The following NRIP1 variants were observed in gnomAD, a reference collection of about 807,000 sequenced individuals.
The protein encoded by NRIP1 is nuclear receptor interacting protein 1.
Under a neutral mutation model 75.0 loss-of-function variants are expected in NRIP1, and 28 were observed. That is an observed-to-expected ratio of 0.37 (90% CI 0.28 to 0.51). NRIP1 has a LOEUF of 0.51. Among genes scored for constraint, NRIP1 ranks in the 20% least tolerant of loss-of-function variants. NRIP1 has a pLI of 0.92. For missense variants in NRIP1, 1,435 were observed against 1,343.7 expected (o/e 1.07, Z -1.06); for synonymous variants, 526 against 487.6 (o/e 1.08, Z -1.04).
intron 3 of NRIP1, among the ~76,000 whole-genome samples, chr21:14,997,591 T>TA (rs1488657013): frequency 5.3e-5 from 8 of 151,468 alleles, no homozygotes; most frequent in Non-Finnish European, 7.4e-5. Context: ...AACAGCAGGA[T>TA]AAAAAAATAC....
chr21:14,982,845 T>G (rs980415559), intron 3 of NRIP1, among the ~76,000 whole-genome samples: 5 of 152,090 alleles, frequency 3.3e-5, no homozygotes, highest in African/African-American at 1.2e-4. Flanking sequence ...TCACAATATT[T>G]CAAGCTTTTT....
chr21:15,027,076 T>C (rs754192618), intron 2 of NRIP1, among the ~76,000 whole-genome samples: 28 of 152,174 alleles, frequency 1.8e-4, no homozygotes, highest in Non-Finnish European at 3.4e-4. Flanking sequence ...GAAGACTTCA[T>C]ACAGAATGCT....
intron 3 of NRIP1, among the ~76,000 whole-genome samples, chr21:14,989,206 C>G (rs570112398): frequency 6.6e-6 from 1 of 152,282 alleles, no homozygotes; most frequent in Non-Finnish European, 1.5e-5. Context: ...TTTTTTCTCA[C>G]TTTTCCTATG....
At chr21:14,995,450 A>G (rs558925078) in intron 3 of NRIP1, among the ~76,000 whole-genome samples, 1 of 152,322 alleles carries the variant, frequency 6.6e-6, no homozygotes, top group East Asian at 1.9e-4. Context: ...CTTCCAATAA[A>G]TCATCAGTTA....
In NRIP1 at chr21:14,962,618, A is replaced by T. The variant is rs1283748200; in HGVS notation, c.*2098T>A. The T allele has an allele frequency of 1.3e-5, 2 of 152,440 alleles. No homozygotes were observed. The highest frequency in any genetic ancestry group is 4.8e-5 in the African/African-American group (2 of 41,418). 9.4% of individuals were successfully genotyped at this position (152,440 alleles called of 1,614,324 possible). A position where few individuals can be genotyped will look rare whatever the true frequency, so the allele number is the denominator to read the frequency against. ...ATGACTTGTTTAAAAGCTTATTTAT[A>T]TAGTGTTGACAATAAGATTGTCATA... is the stretch of plus-strand genomic sequence containing the variant. On this transcript the variant is annotated 3_prime_UTR_variant, in exon 4 of 4. Coordinates refer to ENST00000318948, the MANE Select transcript of NRIP1 (RefSeq NM_003489.4).
rs1211661415 is a variant in NRIP1, at chr21:15,014,365, C to A, written c.-356G>T. 1 of 398,052 alleles carries A rather than the reference C, an allele frequency of 2.5e-6. No homozygotes were observed. Among genetic ancestry groups the A allele is most frequent in the Non-Finnish European group, 4.4e-6 (1 of 225,770 alleles). The allele number at this position is 398,052 out of a possible 1,614,324, so 24.7% of individuals were successfully genotyped here. A position where few individuals can be genotyped will look rare whatever the true frequency, so the allele number is the denominator to read the frequency against. On this transcript the variant is annotated 5_prime_UTR_variant, in exon 3 of 4. Coordinates refer to ENST00000318948, the MANE Select transcript of NRIP1 (RefSeq NM_003489.4). Reference sequence around the variant, plus strand: ...TCACCGTCTGTCTCCAAGCTCTGAGCCTCTGCTTTCTGAGAAAGAAAATTG... The same window carrying A: ...TCACCGTCTGTCTCCAAGCTCTGAGACTCTGCTTTCTGAGAAAGAAAATTG...
At chr21:14,971,290 T>A (rs557782748) in intron 3 of NRIP1, among the ~76,000 whole-genome samples, 20 of 152,148 alleles carry the variant, frequency 1.3e-4, no homozygotes, top group Non-Finnish European at 1.8e-4. Context: ...GGAAGGGAAT[T>A]TGACATTCAA....
At chr21:15,041,899 T>G (rs1236384857) in intron 2 of NRIP1, among the ~76,000 whole-genome samples, 3 of 152,204 alleles carry the variant, frequency 2.0e-5, no homozygotes, top group African/African-American at 7.2e-5. Flanking sequence ...TGGGTTCATT[T>G]ACAAGTTCTT....
intron 3 of NRIP1, among the ~76,000 whole-genome samples, chr21:14,979,913 T>C (rs918473270): frequency 5.3e-5 from 8 of 152,202 alleles, no homozygotes; most frequent in Non-Finnish European, 8.8e-5. Context: ...GTGACAATTT[T>C]AAAATTAACT....
chr21:14,968,118 T>C lies in NRIP1; in HGVS notation c.75A>G (p.Leu25=), dbSNP rs1017196993. 2 of 1,613,956 alleles carry C rather than the reference T, an allele frequency of 1.2e-6. No homozygotes were observed. The highest frequency in any genetic ancestry group is 1.1e-5 in the South Asian group (1 of 91,076). ...CTGATCCCCCTGCTGCCTGATGCAT[T>C]AGTAATCCTTCTAGGTAAGTTAAAA... The part of the protein sequence containing the change: ...SIVLTYLEGL[L]MHQAAGGSGT... Residue 25 remains leucine, a synonymous_variant, in exon 4 of 4, where the codon CTA becomes CTG. Coordinates refer to ENST00000318948, the MANE Select transcript of NRIP1 (RefSeq NM_003489.4).
rs780969885 is a variant in NRIP1, at chr21:14,967,479, T to C, written c.714A>G (p.Ala238=). 1.9e-6 allele frequency: 3 copies of C among 1,614,136 alleles called. No individual in the cohort carries two copies. The highest frequency in any genetic ancestry group is 2.5e-6 in the Non-Finnish European group (3 of 1,180,002). ...CCATGCTTGCAACAGCCTGTAATCTTGCAGCACATGACAACGGTTCACTCA... is the reference window on the plus strand; with the variant it reads ...CCATGCTTGCAACAGCCTGTAATCTCGCAGCACATGACAACGGTTCACTCA... ...KVMSEPLSCA[A]RLQAVASMVE... The change falls in exon 4 of 4, where the codon GCA becomes GCG. Residue 238 remains alanine, a synonymous_variant. Transcript: ENST00000318948.
intron 3 of NRIP1, among the ~76,000 whole-genome samples, chr21:14,975,669 G>A (rs185041302): frequency 0.03 from 4,176 of 138,886 alleles, 137 homozygotes; most frequent in East Asian, 0.16. Flanking sequence ...GAGAGAGAGA[G>A]AGAAAGAAAG....
intron 1 of NRIP1, among the ~76,000 whole-genome samples, chr21:15,061,786 T>A (rs2089428531): frequency 6.6e-6 from 1 of 152,180 alleles, no homozygotes; most frequent in African/African-American, 2.4e-5. Flanking sequence ...ACCTCATATA[T>A]CCTAAGCCAC....
intron 1 of NRIP1, among the ~76,000 whole-genome samples, chr21:15,059,332 T>C (rs370629036): frequency 3.2e-4 from 49 of 152,350 alleles, no homozygotes; most frequent in African/African-American, 1.2e-3. Context: ...AGATGGGTTT[T>C]AATTTAGAGT....
In NRIP1 at chr21:14,968,282, G is replaced by T; in HGVS notation, c.-90C>A. 3 of 834,210 alleles carry T rather than the reference G, an allele frequency of 3.6e-6. No homozygotes were observed. Among genetic ancestry groups the T allele is most frequent in the East Asian group, 2.6e-5 (1 of 39,052 alleles). The allele number at this position is 834,210 out of a possible 1,614,324, so 51.7% of individuals were successfully genotyped here. On this transcript the variant is annotated 5_prime_UTR_variant, in exon 4 of 4. Coordinates refer to ENST00000318948, the MANE Select transcript of NRIP1 (RefSeq NM_003489.4). ...AGTGCGATGTAACTTTAATAAAGGAGTATCAGTTTATCACCTTCCATCGCA... is the reference window on the plus strand; with the variant it reads ...AGTGCGATGTAACTTTAATAAAGGATTATCAGTTTATCACCTTCCATCGCA...
chr21:14,985,301 A>G (rs1348735188), intron 3 of NRIP1, among the ~76,000 whole-genome samples: 1 of 152,234 alleles, frequency 6.6e-6, no homozygotes. Flanking sequence ...TGATATGACA[A>G]TGTTATTTAA....
Position 14,963,019 on chromosome 21 carries a change from T to TTTCGCAACTGAAACCCCATGTGGC in NRIP1, c.*1673_*1696dup, listed in dbSNP as rs2086630793. On this transcript the variant is annotated 3_prime_UTR_variant, in exon 4 of 4. Coordinates refer to ENST00000318948, the MANE Select transcript of NRIP1 (RefSeq NM_003489.4). ...CAAACTGAACATAAAAACAGACCTGTTTCGCAACTGAAACCCCATGTGGCT... is the reference window on the plus strand; with the variant it reads ...CAAACTGAACATAAAAACAGACCTGTTTCGCAACTGAAACCCCATGTGGCTTCGCAACTGAAACCCCATGTGGCT... The TTTCGCAACTGAAACCCCATGTGGC allele has an allele frequency of 6.6e-6, 1 of 152,324 alleles. No homozygotes were observed. The highest frequency in any genetic ancestry group is 2.1e-4 in the South Asian group (1 of 4,838). The allele number at this position is 152,324 out of a possible 1,614,324, so 9.4% of individuals were successfully genotyped here.
chr21:15,033,374 G>A (rs1408414436), intron 2 of NRIP1, among the ~76,000 whole-genome samples: 1 of 152,112 alleles, frequency 6.6e-6, no homozygotes. Context: ...AGGGAGGTAA[G>A]GTGATTTGCC....
chr21:14,980,691 C>T (rs1394026036), intron 3 of NRIP1, among the ~76,000 whole-genome samples: 1 of 151,688 alleles, frequency 6.6e-6, no homozygotes. Flanking sequence ...TAAATTTACA[C>T]TATAAAAGCT....
Sources: allele counts gnomAD v4.1 joint callset (sites outside exome capture counted in the v4.1 genomes callset), GRCh38; gene constraint gnomAD v4.1.1; transcripts MANE v1.5; gene names NCBI Gene and HGNC (gene_info 2026-07-23, HGNC 2026-07-21).